Variants in HPSE2 observed in about 807,000 individuals in gnomAD.
The protein encoded by HPSE2 is inactive heparanase-2.
Under a neutral mutation model 60.5 loss-of-function variants are expected in HPSE2, and 38 were observed. The ratio of observed to expected loss-of-function variants is 0.63; its 90% confidence interval spans 0.48 to 0.82. The LOEUF is 0.82. Ranked by LOEUF, HPSE2 falls within the 40% of genes least tolerant of loss-of-function variation. The pLI, the probability that HPSE2 is intolerant of heterozygous loss-of-function variation, is 0.00. For missense variants in HPSE2, 713 were observed against 740.4 expected, an observed-to-expected ratio of 0.96 and a Z score of 0.43; for synonymous variants, 295 against 293.2, an observed-to-expected ratio of 1.01 and a Z score of -0.06.
At chr10:98,676,015 A>T (rs1947631995) in intron 6 of HPSE2, among the ~76,000 whole-genome samples, 1 of 151,574 alleles carries the variant, frequency 6.6e-6, no homozygotes, top group African/African-American at 2.4e-5. Flanking sequence ...TGCCTGGGTG[A>T]CAGAGTAAAA....
At chr10:98,622,747 G>T (rs1565024094) in intron 7 of HPSE2, among the ~76,000 whole-genome samples, 1 of 152,016 alleles carries the variant, frequency 6.6e-6, no homozygotes. Flanking sequence ...ATAGCATGTT[G>T]GTAAAGATTA....
At chr10:98,692,344 T>C (rs998162211) in intron 6 of HPSE2, among the ~76,000 whole-genome samples, 9 of 151,968 alleles carry the variant, frequency 5.9e-5, no homozygotes, top group East Asian at 1.9e-4. Flanking sequence ...AATCAGAAAG[T>C]AGCAGAGGCC....
intron 3 of HPSE2, among the ~76,000 whole-genome samples, chr10:99,012,342 C>T (rs767183391): frequency 5.3e-5 from 8 of 152,034 alleles, no homozygotes; most frequent in Admixed American, 1.3e-4. Flanking sequence ...AGAATCTGAT[C>T]GCTATCACAT....
intron 3 of HPSE2, among the ~76,000 whole-genome samples, chr10:98,903,461 T>A (rs1361875441): frequency 6.6e-6 from 1 of 151,996 alleles, no homozygotes; most frequent in Non-Finnish European, 1.5e-5. Flanking sequence ...GATAAAAAAA[T>A]AAAGGCAAAA....
intron 7 of HPSE2, among the ~76,000 whole-genome samples, chr10:98,627,680 A>G (rs1297333788): frequency 6.6e-6 from 1 of 152,204 alleles, no homozygotes; most frequent in Non-Finnish European, 1.5e-5. Context: ...GGATTTTATG[A>G]TATTTAAATT....
intron 6 of HPSE2, among the ~76,000 whole-genome samples, chr10:98,663,775 C>T (rs1186134304): frequency 6.6e-6 from 1 of 152,170 alleles, no homozygotes; most frequent in Non-Finnish European, 1.5e-5. Flanking sequence ...CTCAAGACCA[C>T]GGGGAGCCCC....
At chr10:98,605,416 T>C (rs1001010374) in intron 9 of HPSE2, among the ~76,000 whole-genome samples, 1 of 152,206 alleles carries the variant, frequency 6.6e-6, no homozygotes, top group Non-Finnish European at 1.5e-5. Context: ...TTTGTTTTAG[T>C]GTATGTCATA....
At chr10:98,985,011 A>C (rs1384608203) in intron 3 of HPSE2, among the ~76,000 whole-genome samples, 2 of 152,168 alleles carry the variant, frequency 1.3e-5, no homozygotes, top group East Asian at 1.9e-4. Context: ...AAATCTACAT[A>C]TGATTGGTGT....
At chr10:98,830,917 G>C (rs1215024710) in intron 3 of HPSE2, among the ~76,000 whole-genome samples, 2 of 152,162 alleles carry the variant, frequency 1.3e-5, no homozygotes, top group Non-Finnish European at 2.9e-5. Flanking sequence ...TTACATGAAG[G>C]CATGCTTGAA....
intron 3 of HPSE2, among the ~76,000 whole-genome samples, chr10:98,806,172 T>C (rs1057029669): frequency 2.0e-5 from 3 of 152,320 alleles, no homozygotes; most frequent in African/African-American, 7.2e-5. Context: ...TGTTTCCCTT[T>C]TGATCACCAG....
intron 3 of HPSE2, among the ~76,000 whole-genome samples, chr10:98,761,929 G>GC (rs1407490951): frequency 1.3e-5 from 2 of 151,634 alleles, no homozygotes; most frequent in African/African-American, 4.9e-5. Context: ...AGAAAAAGAG[G>GC]CCCCCCGCAA....
intron 3 of HPSE2, among the ~76,000 whole-genome samples, chr10:98,844,369 G>A (rs1951986866): frequency 2.0e-5 from 3 of 152,248 alleles, no homozygotes; most frequent in African/African-American, 7.2e-5. Context: ...ATTTTGGGGT[G>A]TTAGGTCATG....
chr10:98,823,053 C>A (rs535217511), intron 3 of HPSE2, among the ~76,000 whole-genome samples: 1 of 151,990 alleles, frequency 6.6e-6, no homozygotes, highest in African/African-American at 2.4e-5. Context: ...AGCAGAGGGA[C>A]AGAGAGAAAG....
chr10:99,252,955 C>A, the HPSE2 span, among the ~76,000 whole-genome samples: 1 of 150,400 alleles, frequency 6.6e-6, no homozygotes, highest in African/African-American at 2.4e-5. Context: ...AGGAGAACTA[C>A]AAAACACTGC....
chr10:98,937,407 T>A (rs968508583), intron 3 of HPSE2, among the ~76,000 whole-genome samples: 1 of 144,544 alleles, frequency 6.9e-6, no homozygotes, highest in Non-Finnish European at 1.5e-5. Context: ...TCCGACAGGC[T>A]TAAAAAACGG....
intron 7 of HPSE2, among the ~76,000 whole-genome samples, chr10:98,633,847 C>A (rs1217313568): frequency 2.6e-5 from 4 of 152,144 alleles, no homozygotes; most frequent in Non-Finnish European, 5.9e-5. Flanking sequence ...CTTCTATTTA[C>A]CTTTAAAGCC....
At chr10:99,280,266 G>C in the HPSE2 span, among the ~76,000 whole-genome samples, 1 of 152,220 alleles carries the variant, frequency 6.6e-6, no homozygotes, top group Admixed American at 6.5e-5. Flanking sequence ...GAATGAACCT[G>C]ATCATGTAAA....
chr10:98,546,499 G>A (rs1398335922), intron 9 of HPSE2, among the ~76,000 whole-genome samples: 47 of 151,328 alleles, frequency 3.1e-4, no homozygotes, highest in East Asian at 1.8e-3. Flanking sequence ...AAATAACGCC[G>A]CATACCTACA....
At chr10:98,929,447 C>T (rs1954582659) in intron 3 of HPSE2, among the ~76,000 whole-genome samples, 1 of 143,898 alleles carries the variant, frequency 6.9e-6, no homozygotes, top group Non-Finnish European at 1.5e-5. Context: ...ACTCAAGATC[C>T]TTTCTGGCCC....
Sources: allele counts gnomAD v4.1 joint callset (sites outside exome capture counted in the v4.1 genomes callset), GRCh38; gene constraint gnomAD v4.1.1; transcripts MANE v1.5; gene names NCBI Gene and HGNC (gene_info 2026-07-23, HGNC 2026-07-21).